The following DGKB variants were observed in gnomAD, a reference collection of about 807,000 sequenced individuals.
The protein encoded by DGKB is 90 kDa diacylglycerol kinase.
Under a neutral mutation model 114.3 loss-of-function variants are expected in DGKB, and 67 were observed. The ratio of observed to expected loss-of-function variants is 0.59; its 90% CI spans 0.48 to 0.72. The LOEUF is 0.72. Ranked by LOEUF, DGKB falls within the 30% of genes least tolerant of loss-of-function variation. The pLI is 0.00. For missense variants in DGKB, 907 were observed against 975.2 expected (o/e 0.93, Z 0.93); for synonymous variants, 398 against 323.1 (o/e 1.23, Z -2.49).
At chr7:14,764,999 T>C (rs1033381526) in intron 2 of DGKB, among the ~76,000 whole-genome samples, 7 of 151,966 alleles carry the variant, frequency 4.6e-5, no homozygotes, top group African/African-American at 1.7e-4. Context: ...AAACAGAAGT[T>C]TTTATCTACT....
intron 1 of DGKB, among the ~76,000 whole-genome samples, chr7:14,941,268 G>C (rs1288309154): frequency 1.3e-5 from 2 of 152,034 alleles, no homozygotes; most frequent in South Asian, 4.1e-4. Context: ...CCTATGTGAT[G>C]AAACAGGATC....
At position 14,192,400 on chromosome 7, in the gene DGKB, C is replaced by T. The variant is rs1478079988; in HGVS notation, c.2123-14249G>A. On this transcript the variant is annotated intron_variant, in intron 23 of 25. Coordinates refer to ENST00000402815, the MANE Select transcript of DGKB (RefSeq NM_001350709.2). ...ACTAGATACCTAGGAATATATTTAA[C>T]CAAGGAGGTGAAAGATCTCTACAAT... Among the ~76,000 whole-genome samples the T allele has an allele frequency of 9.2e-5, 14 of 151,942 alleles. 1 individual carries two copies. The East Asian group carries it at 2.7e-3, about 29-fold the overall frequency.
At chr7:14,308,783 A>T (rs960269513) in intron 23 of DGKB, among the ~76,000 whole-genome samples, 2 of 152,202 alleles carry the variant, frequency 1.3e-5, no homozygotes, top group Non-Finnish European at 2.9e-5. Context: ...TTATGCCAGG[A>T]TAGAATGAGG....
chr7:14,231,768 T>A (rs1017416521), intron 23 of DGKB, among the ~76,000 whole-genome samples: 1 of 152,020 alleles, frequency 6.6e-6, no homozygotes, highest in Non-Finnish European at 1.5e-5. Flanking sequence ...TTTAATGTGA[T>A]TCTGATTAAA....
At chr7:14,283,758 T>A (rs993255198) in intron 23 of DGKB, among the ~76,000 whole-genome samples, 126 of 152,220 alleles carry the variant, frequency 8.3e-4, no homozygotes, top group Non-Finnish European at 1.3e-3. Flanking sequence ...AAACAAGCAA[T>A]GGGGAAAGGA....
chr7:14,728,791 C>G (rs1217237602), intron 5 of DGKB, among the ~76,000 whole-genome samples: 2 of 151,490 alleles, frequency 1.3e-5, no homozygotes, highest in East Asian at 2.0e-4. Flanking sequence ...GCAACTCTGC[C>G]TCCCAGGCTC....
chr7:14,744,196 T>C (rs940041969), intron 4 of DGKB, among the ~76,000 whole-genome samples: 4 of 152,224 alleles, frequency 2.6e-5, no homozygotes, highest in Non-Finnish European at 5.9e-5. Context: ...TCTCTTTGCC[T>C]GGTTCTTCTA....
At chr7:14,277,397 G>A (rs1021257556) in intron 23 of DGKB, among the ~76,000 whole-genome samples, 31 of 151,926 alleles carry the variant, frequency 2.0e-4, no homozygotes, top group African/African-American at 5.8e-4. Context: ...GGTCTCGAAC[G>A]CCTGGCCACA....
chr7:14,864,003 G>A (rs771707676), intron 1 of DGKB, among the ~76,000 whole-genome samples: 2 of 151,588 alleles, frequency 1.3e-5, no homozygotes, highest in Non-Finnish European at 1.5e-5. Context: ...GGAGGCTGAG[G>A]CAGGAGAATC....
intron 13 of DGKB, among the ~76,000 whole-genome samples, chr7:14,643,955 C>G (rs568139792): frequency 6.6e-6 from 1 of 152,250 alleles, no homozygotes; most frequent in East Asian, 1.9e-4. Flanking sequence ...GTGGACCAAC[C>G]AGGGTCTACT....
At chr7:14,487,280 T>A (rs780469697) in intron 20 of DGKB, among the ~76,000 whole-genome samples, 4 of 152,192 alleles carry the variant, frequency 2.6e-5, no homozygotes, top group Admixed American at 2.6e-4. Context: ...TTTGCTTGAT[T>A]TTAATTTTCA....
intron 22 of DGKB, among the ~76,000 whole-genome samples, chr7:14,343,805 G>A (rs1422957060): frequency 1.3e-5 from 2 of 149,752 alleles, no homozygotes; most frequent in Non-Finnish European, 3.0e-5. Flanking sequence ...AAAGGGGTAT[G>A]TATATGTTTT....
At chr7:14,756,473 T>A (rs1834887438) in intron 3 of DGKB, among the ~76,000 whole-genome samples, 1 of 151,918 alleles carries the variant, frequency 6.6e-6, no homozygotes, top group Non-Finnish European at 1.5e-5. Context: ...CTTTATTTTC[T>A]CCATCATTTA....
chr7:14,888,305 C>T (rs1047949847), intron 1 of DGKB, among the ~76,000 whole-genome samples: 7 of 151,576 alleles, frequency 4.6e-5, no homozygotes, highest in East Asian at 1.9e-4. Flanking sequence ...TCTAAACACA[C>T]GGGTTCTTTT....
intron 17 of DGKB, among the ~76,000 whole-genome samples, chr7:14,597,197 G>C (rs1456016235): frequency 2.0e-5 from 3 of 152,080 alleles, no homozygotes; most frequent in Non-Finnish European, 4.4e-5. Context: ...GACAGAGCAA[G>C]ACTCCGTCTC....
At chr7:14,377,095 C>T (rs1185365016) in intron 21 of DGKB, among the ~76,000 whole-genome samples, 1 of 152,128 alleles carries the variant, frequency 6.6e-6, no homozygotes, top group African/African-American at 2.4e-5. Flanking sequence ...GGGTTCTGAA[C>T]CATGAGAACC....
chr7:14,317,282 C>T (rs1238036091), intron 23 of DGKB, among the ~76,000 whole-genome samples: 3 of 96,852 alleles, frequency 3.1e-5, no homozygotes, highest in Admixed American at 2.1e-4. Flanking sequence ...AAGTTCTGGC[C>T]AGGGCAATTA....
intron 16 of DGKB, among the ~76,000 whole-genome samples, chr7:14,612,041 A>T (rs1777588058): frequency 6.6e-6 from 1 of 151,778 alleles, no homozygotes; most frequent in African/African-American, 2.4e-5. Context: ...TATTCCCTTT[A>T]ATAAAGCATT....
At chr7:14,463,028 T>C (rs1584132475) in intron 21 of DGKB, among the ~76,000 whole-genome samples, 1 of 152,158 alleles carries the variant, frequency 6.6e-6, no homozygotes, top group Non-Finnish European at 1.5e-5. Flanking sequence ...TTGGGAAAAC[T>C]GGCCAGCCAT....
Sources: allele counts gnomAD v4.1 joint callset (sites outside exome capture counted in the v4.1 genomes callset), GRCh38; gene constraint gnomAD v4.1.1; transcripts MANE v1.5; gene names NCBI Gene and HGNC (gene_info 2026-07-23, HGNC 2026-07-21).